FRMD4B: variants seen among roughly 807,000 people sequenced by gnomAD.
The protein encoded by FRMD4B is FERM domain-containing protein 4B.
FRMD4B carries 74 observed loss-of-function variants against 141.5 expected under a neutral mutation model. That is an observed-to-expected ratio of 0.52 (90% CI 0.43 to 0.63). FRMD4B has a LOEUF of 0.63. FRMD4B is among the 30% of genes least tolerant of loss of function. The pLI, the probability that FRMD4B is intolerant of heterozygous loss-of-function variation, is 0.00. For synonymous variants in FRMD4B, 506 were observed against 467.9 expected (o/e 1.08, Z -1.05); for missense variants, 1,366 against 1,253.4 (o/e 1.09, Z -1.36).
chr3:69,460,311 A>G lies in FRMD4B; in HGVS notation c.-128-27550T>C, dbSNP rs115139555. Among the ~76,000 whole-genome samples the G allele has an allele frequency of 2.4e-3, 363 of 152,258 alleles. 1 individual carries two copies. Among genetic ancestry groups the G allele is most frequent in the Non-Finnish European group, 4.1e-3 (281 of 68,014 alleles). ...CGACTGCTGTCTGCTGAGCCCCACA[A>G]TGGTCAAGTGAAGAGGCTGATTTTT... On this transcript the variant is annotated intron_variant, in intron 1 of 5. Coordinates refer to the FRMD4B transcript ENST00000459638.
intron 5 of FRMD4B, among the ~76,000 whole-genome samples, chr3:69,273,622 G>C (rs993766342): frequency 2.6e-5 from 4 of 152,266 alleles, no homozygotes; most frequent in Non-Finnish European, 5.9e-5. Flanking sequence ...AATTTGGCTT[G>C]ATCTTTTCAC....
intron 1 of FRMD4B, among the ~76,000 whole-genome samples, chr3:69,518,438 G>A (rs1421543627): frequency 2.0e-5 from 3 of 152,036 alleles, no homozygotes; most frequent in Non-Finnish European, 2.9e-5. Context: ...CCATTCTGAT[G>A]GTGAATACTG....
chr3:69,183,557 A>C (rs974542495), intron 19 of FRMD4B, among the ~76,000 whole-genome samples: 3 of 130,822 alleles, frequency 2.3e-5, no homozygotes, highest in African/African-American at 9.0e-5. Context: ...ATTTTGGCTC[A>C]CTGCAAGCCC....
Position 69,182,584 on chromosome 3 carries a change from A to G in FRMD4B, c.2039+14T>C, listed in dbSNP as rs755528761. On this transcript the variant is annotated intron_variant, in intron 20 of 22. Transcript: ENST00000398540. ...ATCAAGACAGCTAAAGCAATGAGAA[A>G]GAAGCTCTCTTACTCCAAGTGGCTG... 6.3e-7 allele frequency: 1 copy of G among 1,591,884 alleles called. No individual in the cohort carries two copies. The highest frequency in any genetic ancestry group is 1.1e-5 in the South Asian group (1 of 88,030).
At chr3:69,364,890 G>C (rs1280672282) in intron 1 of FRMD4B, among the ~76,000 whole-genome samples, 2 of 151,840 alleles carry the variant, frequency 1.3e-5, no homozygotes, top group Non-Finnish European at 2.9e-5. Context: ...ATAAATAAAG[G>C]CCTTGGTGAT....
intron 1 of FRMD4B, among the ~76,000 whole-genome samples, chr3:69,435,359 T>TA (rs76741517): frequency 0.031 from 4,405 of 142,966 alleles, 168 homozygotes; most frequent in East Asian, 0.093. Context: ...GGTTTTAGGT[T>TA]AAAAAAAAAA....
intron 2 of FRMD4B, among the ~76,000 whole-genome samples, chr3:69,404,333 T>A (rs1274477250): frequency 6.6e-6 from 1 of 152,218 alleles, no homozygotes; most frequent in Non-Finnish European, 1.5e-5. Flanking sequence ...TGCACAGGCT[T>A]TCTGATCCAG....
intron 2 of FRMD4B, among the ~76,000 whole-genome samples, chr3:69,410,720 TAAATAA>T (rs1210665077): frequency 1.8e-3 from 109 of 61,350 alleles, no homozygotes; most frequent in East Asian, 4.4e-3. Flanking sequence ...AATAAATAAA[TAAATAA>T]ATATATATAT....
chr3:69,416,515 T>C (rs1704864517), intron 2 of FRMD4B, among the ~76,000 whole-genome samples: 1 of 152,182 alleles, frequency 6.6e-6, no homozygotes, highest in Non-Finnish European at 1.5e-5. Context: ...CTCAAAAACC[T>C]CAAATGCAAA....
chr3:69,522,881 C>A (rs548910254), intron 1 of FRMD4B, among the ~76,000 whole-genome samples: 1 of 152,174 alleles, frequency 6.6e-6, no homozygotes, highest in East Asian at 1.9e-4. Context: ...GAGATGAGAA[C>A]CAATAGCTAA....
intron 1 of FRMD4B, among the ~76,000 whole-genome samples, chr3:69,344,956 G>T (rs1702881463): frequency 6.6e-6 from 1 of 152,084 alleles, no homozygotes; most frequent in Non-Finnish European, 1.5e-5. Flanking sequence ...GAGATACTGG[G>T]TTCATCTCAC....
At chr3:69,248,441 G>A (rs2093439781) in intron 7 of FRMD4B, among the ~76,000 whole-genome samples, 1 of 152,160 alleles carries the variant, frequency 6.6e-6, no homozygotes, top group African/African-American at 2.4e-5. Context: ...AGGTTGGAAG[G>A]CATTATTTTG....
intron 5 of FRMD4B, among the ~76,000 whole-genome samples, chr3:69,272,173 G>C (rs952678857): frequency 6.6e-6 from 1 of 151,544 alleles, no homozygotes; most frequent in African/African-American, 2.4e-5. Flanking sequence ...ACAGAATTTC[G>C]CTCTGTTGCC....
chr3:69,263,317 G>A (rs1335318043), intron 5 of FRMD4B, among the ~76,000 whole-genome samples: 1 of 151,410 alleles, frequency 6.6e-6, no homozygotes, highest in Non-Finnish European at 1.5e-5. Context: ...AGGACTGTAA[G>A]AGAAAATGTG....
intron 7 of FRMD4B, among the ~76,000 whole-genome samples, chr3:69,241,432 G>C (rs1462344282): frequency 6.6e-6 from 1 of 152,168 alleles, no homozygotes; most frequent in South Asian, 2.1e-4. Flanking sequence ...TTTTAACCAA[G>C]TATTGTAGAG....
chr3:69,465,337 C>T (rs1358209470), intron 1 of FRMD4B, among the ~76,000 whole-genome samples: 1 of 148,294 alleles, frequency 6.7e-6, no homozygotes, highest in Admixed American at 6.7e-5. Context: ...AAAAAAAAAA[C>T]CTTCAGGAAA....
At chr3:69,205,801 C>G (rs1253948367) in intron 11 of FRMD4B, among the ~76,000 whole-genome samples, 2 of 152,176 alleles carry the variant, frequency 1.3e-5, no homozygotes, top group African/African-American at 4.8e-5. Context: ...GGTGATATAA[C>G]TAGGCTTTGG....
chr3:69,335,491 C>T (rs532377734), intron 1 of FRMD4B, among the ~76,000 whole-genome samples: 7 of 151,690 alleles, frequency 4.6e-5, no homozygotes, highest in East Asian at 1.9e-4. Context: ...CCTGCTTCAG[C>T]CTCCCGAGTA....
intron 11 of FRMD4B, among the ~76,000 whole-genome samples, chr3:69,214,888 T>A (rs200053566): frequency 6.6e-6 from 1 of 151,526 alleles, no homozygotes; most frequent in African/African-American, 2.4e-5. Context: ...AATGAATTTT[T>A]TTTTTTTTTG....
Sources: allele counts gnomAD v4.1 joint callset (sites outside exome capture counted in the v4.1 genomes callset), GRCh38; gene constraint gnomAD v4.1.1; transcripts MANE v1.5; gene names NCBI Gene and HGNC (gene_info 2026-07-23, HGNC 2026-07-21).